GLRA3: variants seen among roughly 807,000 people sequenced by gnomAD.
GLRA3 encodes the protein glycine receptor alpha 3.
A neutral mutation model predicts 60.4 loss-of-function variants in GLRA3; 44 were observed. The observed-to-expected ratio is 0.73, with a 90% CI of 0.57 to 0.94. The LOEUF is 0.94. GLRA3 is among the 40% of genes least tolerant of loss of function. GLRA3 has a pLI of 0.00. For missense variants in GLRA3, 508 were observed against 564.6 expected (o/e 0.90, Z 1.02); for synonymous variants, 223 against 192.9 (o/e 1.16, Z -1.29).
chr4:174,703,540 T>G (rs1209999156), intron 5 of GLRA3, among the ~76,000 whole-genome samples: 1 of 152,228 alleles, frequency 6.6e-6, no homozygotes, highest in Non-Finnish European at 1.5e-5. Context: ...TACATATAAT[T>G]CACACTGTTT....
intron 7 of GLRA3, among the ~76,000 whole-genome samples, chr4:174,671,411 G>A (rs1174335759): frequency 2.6e-5 from 4 of 151,908 alleles, no homozygotes; most frequent in African/African-American, 9.7e-5. Context: ...ATAAGACTGC[G>A]TATTTGCTAA....
intron 5 of GLRA3, among the ~76,000 whole-genome samples, chr4:174,707,579 C>T (rs559785398): frequency 3.3e-5 from 5 of 152,074 alleles, no homozygotes; most frequent in Admixed American, 6.6e-5. Context: ...CATGGAAAGA[C>T]GTCTAGGGGA....
intron 9 of GLRA3, among the ~76,000 whole-genome samples, chr4:174,649,813 T>G (rs534976299): frequency 1.3e-5 from 2 of 150,950 alleles, no homozygotes; most frequent in South Asian, 2.1e-4. Flanking sequence ...ACTTGACTGA[T>G]GCTTTGTTTT....
chr4:174,747,863 C>T (rs1446126167), intron 3 of GLRA3, among the ~76,000 whole-genome samples: 1 of 152,084 alleles, frequency 6.6e-6, no homozygotes. Context: ...TTAATCTTGC[C>T]TTTAACATTA....
At chr4:174,816,766 A>T (rs1740518697) in intron 1 of GLRA3, among the ~76,000 whole-genome samples, 1 of 151,696 alleles carries the variant, frequency 6.6e-6, no homozygotes, top group African/African-American at 2.4e-5. Flanking sequence ...CTTCACAGTT[A>T]TCCATATTAT....
intron 9 of GLRA3, among the ~76,000 whole-genome samples, chr4:174,644,935 T>C (rs1204381521): frequency 6.6e-6 from 1 of 152,066 alleles, no homozygotes; most frequent in Non-Finnish European, 1.5e-5. Flanking sequence ...TGCAAATTAT[T>C]AATAATTTAC....
chr4:174,654,613 T>A (rs1733131097), intron 9 of GLRA3, among the ~76,000 whole-genome samples: 2 of 152,174 alleles, frequency 1.3e-5, no homozygotes, highest in South Asian at 4.1e-4. Context: ...TTACATTGCA[T>A]TGTGGAGGAA....
At chr4:174,721,131 A>G (rs1169699816) in intron 4 of GLRA3, among the ~76,000 whole-genome samples, 1 of 151,636 alleles carries the variant, frequency 6.6e-6, no homozygotes, top group African/African-American at 2.4e-5. Context: ...CTGGTTCAAG[A>G]GATTCTCCTG....
chr4:174,675,523 C>T (rs574007133), intron 7 of GLRA3, among the ~76,000 whole-genome samples: 3 of 152,198 alleles, frequency 2.0e-5, no homozygotes, highest in Admixed American at 6.5e-5. Flanking sequence ...AATGAGCTTT[C>T]ATTTCTGTTT....
rs186988298 is a variant in GLRA3, at chr4:174,823,693, A to C, written c.71+5048T>G. Among the ~76,000 whole-genome samples the C allele has an allele frequency of 5.4e-4, 83 of 152,304 alleles. 1 individual carries two copies. The highest frequency in any genetic ancestry group is 1.9e-3 in the African/African-American group (81 of 41,574). Reference sequence around the variant, plus strand: ...TAGATGATCTACCTTCTCCAAAATAATTCCCTGAAAATGTCCTGAGAAAAC... The same window carrying C: ...TAGATGATCTACCTTCTCCAAAATACTTCCCTGAAAATGTCCTGAGAAAAC... On this transcript the variant is annotated intron_variant, in intron 1 of 9. Coordinates refer to ENST00000274093, the MANE Select transcript of GLRA3 (RefSeq NM_006529.4).
intron 3 of GLRA3, among the ~76,000 whole-genome samples, chr4:174,760,881 G>GA (rs1156698478): frequency 2.6e-5 from 4 of 151,650 alleles, no homozygotes; most frequent in Non-Finnish European, 4.4e-5. Flanking sequence ...AAATGAAAAT[G>GA]AAAAAAACCT....
At chr4:174,687,506 T>A (rs1008415807) in intron 5 of GLRA3, among the ~76,000 whole-genome samples, 9 of 152,068 alleles carry the variant, frequency 5.9e-5, no homozygotes, top group African/African-American at 2.2e-4. Context: ...GTGAAAAAAA[T>A]GGGTGGAAAC....
chr4:174,815,152 G>A (rs561955588), intron 1 of GLRA3, among the ~76,000 whole-genome samples: 3 of 152,156 alleles, frequency 2.0e-5, no homozygotes, highest in Non-Finnish European at 4.4e-5. Context: ...AAATGCAGCA[G>A]GGCAATCAAA....
At chr4:174,646,681 G>A (rs4695942) in intron 9 of GLRA3, among the ~76,000 whole-genome samples, 80,961 of 151,650 alleles carry the variant, frequency 0.53, 22,975 homozygotes, top group African/African-American at 0.73. Context: ...GAGGGGCAAA[G>A]GAAGCTCTTG....
In GLRA3 at chr4:174,828,874, A is replaced by G; in HGVS notation, c.-63T>C. 1 of 1,118,960 alleles carries G rather than the reference A, an allele frequency of 8.9e-7. No homozygotes were observed. Among genetic ancestry groups the G allele is most frequent in the Non-Finnish European group, 1.4e-6 (1 of 728,346 alleles). The allele number at this position is 1,118,960 out of a possible 1,614,324, so 69.3% of individuals were successfully genotyped here. A position where few individuals can be genotyped will look rare whatever the true frequency, so the allele number is the denominator to read the frequency against. On this transcript the variant is annotated 5_prime_UTR_variant, in exon 1 of 10. Transcript: ENST00000274093. ...ATCCAAGGCATGGGGAACCAGAAAG[A>G]CAGAATGAAAATGTACAATCTAACC...
At chr4:174,702,712 C>T (rs944267218) in intron 5 of GLRA3, among the ~76,000 whole-genome samples, 1 of 152,192 alleles carries the variant, frequency 6.6e-6, no homozygotes, top group Non-Finnish European at 1.5e-5. Context: ...GGACTGCAGG[C>T]ATGCATCATC....
chr4:174,765,370 C>T (rs1738100646), intron 3 of GLRA3, among the ~76,000 whole-genome samples: 1 of 152,132 alleles, frequency 6.6e-6, no homozygotes, highest in East Asian at 1.9e-4. Flanking sequence ...CCCTTCCCTC[C>T]CTACCCCATA....
chr4:174,768,954 C>G (rs1456324648), intron 2 of GLRA3, among the ~76,000 whole-genome samples: 1 of 152,058 alleles, frequency 6.6e-6, no homozygotes, highest in Non-Finnish European at 1.5e-5. Flanking sequence ...TCGGAGAACA[C>G]CACATACAGA....
At chr4:174,820,482 A>G (rs1479620750) in intron 1 of GLRA3, among the ~76,000 whole-genome samples, 4 of 152,158 alleles carry the variant, frequency 2.6e-5, no homozygotes, top group African/African-American at 9.7e-5. Context: ...CTGCCCTCAA[A>G]AACTTCACAG....
Sources: gnomAD v4.1 joint callset for allele counts (sites outside exome capture counted in the v4.1 genomes callset) on GRCh38, gnomAD v4.1.1 for gene constraint, MANE v1.5 for transcripts, NCBI Gene and HGNC (gene_info 2026-07-23, HGNC 2026-07-21) for gene names.